DOCK3: variants seen among roughly 807,000 people sequenced by gnomAD.
The protein encoded by DOCK3 is dedicator of cytokinesis 3.
DOCK3 carries 60 observed loss-of-function variants against 265.6 expected under a neutral mutation model. That is an observed-to-expected ratio of 0.23 (90% CI 0.18 to 0.28). The LOEUF (loss-of-function observed/expected upper bound fraction) is 0.28, where lower values mean the gene tolerates loss of function less well. DOCK3 is among the 10% of genes least tolerant of loss of function. The probability of loss-of-function intolerance (pLI) is 1.00; values close to 1 mark genes in which losing one functional copy is unlikely to be tolerated. For missense variants in DOCK3, 1,981 were observed against 2,594.3 expected (o/e 0.76, Z 5.14); for synonymous variants, 881 against 938.0 (o/e 0.94, Z 1.11).
chr3:51,319,294 C>T (rs187028314), intron 32 of DOCK3, among the ~76,000 whole-genome samples: 1 of 151,890 alleles, frequency 6.6e-6, no homozygotes, highest in East Asian at 1.9e-4. Flanking sequence ...CTAATGCCTC[C>T]AGGTCTTTGG....
chr3:51,018,249 A>G (rs1283681996), intron 5 of DOCK3, among the ~76,000 whole-genome samples: 2 of 151,510 alleles, frequency 1.3e-5, no homozygotes, highest in Non-Finnish European at 2.9e-5. Context: ...TCATTTGTCC[A>G]TTCTGCTGAG....
intron 1 of DOCK3, among the ~76,000 whole-genome samples, chr3:50,713,039 A>C (rs2036868842): frequency 6.6e-6 from 1 of 152,202 alleles, no homozygotes; most frequent in Non-Finnish European, 1.5e-5. Context: ...TCCTGGATGG[A>C]GCATCAGGGG....
At chr3:51,294,754 G>T (rs1380429532) in intron 27 of DOCK3, among the ~76,000 whole-genome samples, 2 of 152,078 alleles carry the variant, frequency 1.3e-5, no homozygotes, top group African/African-American at 4.8e-5. Context: ...AGAGGCTGGG[G>T]GTGGGGGCAG....
At chr3:50,880,139 G>C (rs950301788) in intron 3 of DOCK3, among the ~76,000 whole-genome samples, 5 of 152,220 alleles carry the variant, frequency 3.3e-5, no homozygotes, top group Non-Finnish European at 7.3e-5. Flanking sequence ...GCAGTGTGTA[G>C]AGGGAAATTT....
At chr3:50,862,648 CTGGCTGCAGTG>C (rs1411893648) in intron 3 of DOCK3, among the ~76,000 whole-genome samples, 2 of 152,152 alleles carry the variant, frequency 1.3e-5, no homozygotes, top group Non-Finnish European at 1.5e-5. Context: ...TTTTTCATTC[CTGGCTGCAGTG>C]TGGCTGCAGG....
intron 5 of DOCK3, among the ~76,000 whole-genome samples, chr3:50,970,275 G>A (rs977117765): frequency 1.3e-5 from 2 of 152,036 alleles, no homozygotes; most frequent in African/African-American, 2.4e-5. Flanking sequence ...TCTTGCTGAG[G>A]TCTGTCTTGC....
Position 51,296,349 on chromosome 3 carries a change from T to G in DOCK3, c.2923-13883T>G, listed in dbSNP as rs1465151990. Among the ~76,000 whole-genome samples, 8 of 152,220 alleles carry G rather than the reference T, an allele frequency of 5.3e-5. No individual in the cohort carries two copies. The East Asian group carries it at 1.5e-3, about 29-fold the overall frequency. On this transcript the variant is annotated intron_variant, in intron 27 of 52. Coordinates refer to ENST00000266037, the MANE Select transcript of DOCK3 (RefSeq NM_004947.5). ...AAACAACCTGGAAAAAGAACAAAAT[T>G]GAAAGATTCACAGTTCCCATTTTCA... is the stretch of plus-strand genomic sequence containing the variant.
At chr3:51,013,928 A>T (rs1016684284) in intron 5 of DOCK3, among the ~76,000 whole-genome samples, 1 of 152,162 alleles carries the variant, frequency 6.6e-6, no homozygotes, top group Non-Finnish European at 1.5e-5. Context: ...TCGATCTGGG[A>T]TTAGCAGTGA....
chr3:50,904,524 T>C (rs1055296715), intron 4 of DOCK3, among the ~76,000 whole-genome samples: 1 of 152,224 alleles, frequency 6.6e-6, no homozygotes, highest in Non-Finnish European at 1.5e-5. Context: ...TGACAACGAA[T>C]ATTTTTTCAT....
intron 1 of DOCK3, among the ~76,000 whole-genome samples, chr3:50,717,695 G>A (rs953812004): frequency 6.6e-5 from 10 of 151,996 alleles, no homozygotes; most frequent in Non-Finnish European, 1.0e-4. Flanking sequence ...CAATCTCAGC[G>A]CACTGCAACC....
chr3:51,348,066 A>T (rs2085718856), intron 38 of DOCK3, among the ~76,000 whole-genome samples: 1 of 152,244 alleles, frequency 6.6e-6, no homozygotes, highest in Admixed American at 6.5e-5. Flanking sequence ...TTCTAAGTAT[A>T]CAATCATGTC....
chr3:50,963,344 C>T (rs948328025), intron 5 of DOCK3, among the ~76,000 whole-genome samples: 2 of 152,146 alleles, frequency 1.3e-5, no homozygotes, highest in Non-Finnish European at 2.9e-5. Flanking sequence ...CTGATTACTT[C>T]TAGTAAATAT....
At chr3:50,759,874 CTGTT>C (rs2040421728) in intron 1 of DOCK3, among the ~76,000 whole-genome samples, 2 of 148,140 alleles carry the variant, frequency 1.4e-5, no homozygotes, top group Middle Eastern at 3.5e-3. Flanking sequence ...AAAAAAAAAT[CTGTT>C]TGTTTGTTGC....
rs745697151 is a variant in DOCK3, at chr3:51,310,262, C to T, written c.2953C>T (p.Arg985Trp). 14 of 1,605,094 alleles carry T rather than the reference C, an allele frequency of 8.7e-6. No individual in the cohort carries two copies. Among genetic ancestry groups the T allele is most frequent in the Non-Finnish European group, 1.0e-5 (12 of 1,175,842 alleles). ...EFLLKIFCVFRNLMKMSVFPR... is the reference protein window; with the variant it reads ...EFLLKIFCVFWNLMKMSVFPR... ...TCTGCTGAAGATTTTTTGCGTGTTC[C>T]GGAACCTGATGAAGATGAGTGTCTT... Residue 985 changes from arginine (R) to tryptophan (W), a missense_variant, in exon 28 of 53, where the codon CGG becomes TGG. Around this residue, in one of 4 missense-constraint regions of DOCK3, gnomAD observed 1,357 missense variants for 1,866.8 expected, o/e 0.73. Coordinates refer to ENST00000266037, the MANE Select transcript of DOCK3 (RefSeq NM_004947.5).
intron 9 of DOCK3, among the ~76,000 whole-genome samples, chr3:51,126,869 T>G (rs1205225739): frequency 6.6e-6 from 1 of 152,164 alleles, no homozygotes; most frequent in East Asian, 1.9e-4. Flanking sequence ...ACCCAGGTAT[T>G]AAGCCTAGTA....
intron 5 of DOCK3, among the ~76,000 whole-genome samples, chr3:50,963,331 A>G (rs918159712): frequency 2.0e-5 from 3 of 152,164 alleles, no homozygotes; most frequent in Admixed American, 6.5e-5. Context: ...CTGTCCTGTC[A>G]TTCTGATTAC....
intron 9 of DOCK3, among the ~76,000 whole-genome samples, chr3:51,106,791 C>A (rs1317189741): frequency 6.6e-6 from 1 of 152,208 alleles, no homozygotes; most frequent in Admixed American, 6.5e-5. Flanking sequence ...GGTGCCCCCC[C>A]CAGCCATACT....
At chr3:50,683,833 TC>T (rs1414806327) in intron 1 of DOCK3, among the ~76,000 whole-genome samples, 1 of 9,598 alleles carries the variant, frequency 1.0e-4, no homozygotes, top group Non-Finnish European at 3.8e-4. Context: ...CTCCCCGCTC[TC>T]CTCCCCCCCC....
intron 4 of DOCK3, among the ~76,000 whole-genome samples, chr3:50,898,917 T>G (rs1470159423): frequency 1.3e-5 from 2 of 152,234 alleles, no homozygotes; most frequent in Admixed American, 6.5e-5. Context: ...GATTTCAGAA[T>G]AAGTGCGATG....
Sources: gnomAD v4.1 joint callset for allele counts (sites outside exome capture counted in the v4.1 genomes callset) on GRCh38, gnomAD v4.1.1 for gene constraint, gnomAD v4.1.1 regional missense constraint, MANE v1.5 for transcripts, NCBI Gene and HGNC (gene_info 2026-07-23, HGNC 2026-07-21) for gene names.